The following ATAD2B variants were observed in gnomAD, a reference collection of about 807,000 sequenced individuals.
ATAD2B encodes ATPase family AAA domain containing 2B.
In ATAD2B, 40 loss-of-function variants were observed where a neutral mutation model predicts 167.6. That is an observed-to-expected ratio of 0.24 (90% CI 0.19 to 0.31). The LOEUF is 0.31. ATAD2B is among the 10% of genes least tolerant of loss of function. The probability of loss-of-function intolerance (pLI) is 1.00; values close to 1 mark genes in which losing one functional copy is unlikely to be tolerated. For synonymous variants in ATAD2B, 579 were observed against 596.5 expected (o/e 0.97, Z 0.43); for missense variants, 1,242 against 1,757.2 (o/e 0.71, Z 5.24).
At chr2:23,911,297 G>A (rs139050099) in intron 1 of ATAD2B, among the ~76,000 whole-genome samples, 15,613 of 152,084 alleles carry the variant, frequency 0.1, 913 homozygotes, top group Middle Eastern at 0.17. Flanking sequence ...GCTTACACCT[G>A]TAATCCCAGC....
At chr2:23,891,736 C>T (rs962854584) in intron 2 of ATAD2B, among the ~76,000 whole-genome samples, 7 of 151,942 alleles carry the variant, frequency 4.6e-5, no homozygotes, top group African/African-American at 1.7e-4. Context: ...TGATACCCCC[C>T]CGCCCCGACC....
At chr2:23,903,608 T>C (rs1701096891) in intron 1 of ATAD2B, among the ~76,000 whole-genome samples, 1 of 152,166 alleles carries the variant, frequency 6.6e-6, no homozygotes, top group Non-Finnish European at 1.5e-5. Context: ...CAAAAGAACT[T>C]GAGAATAACT....
At chr2:23,872,827 C>G in intron 8 of ATAD2B, 2 of 1,006,446 alleles carry the variant, frequency 2.0e-6, no homozygotes. Context: ...AGATTGCTCT[C>G]TTCTGCACTG....
At chr2:23,775,993 G>A (rs1461565212) in intron 22 of ATAD2B, among the ~76,000 whole-genome samples, 1 of 152,174 alleles carries the variant, frequency 6.6e-6, no homozygotes, top group Non-Finnish European at 1.5e-5. Context: ...GTACACGCCT[G>A]TAATCCCAGC....
chr2:23,789,512 T>C (rs914135084), intron 19 of ATAD2B, among the ~76,000 whole-genome samples: 8 of 152,098 alleles, frequency 5.3e-5, no homozygotes, highest in South Asian at 4.1e-4. Context: ...AGAGTTAACC[T>C]TGTGATTTTT....
At chr2:23,871,164 T>A (rs1019135788) in intron 8 of ATAD2B, among the ~76,000 whole-genome samples, 4 of 151,518 alleles carry the variant, frequency 2.6e-5, no homozygotes, top group Admixed American at 2.6e-4. Context: ...CACCACATAA[T>A]CACTGCCATT....
intron 5 of ATAD2B, among the ~76,000 whole-genome samples, chr2:23,885,169 G>A (rs771349746): frequency 5.3e-5 from 8 of 152,138 alleles, no homozygotes; most frequent in African/African-American, 2.4e-5. Flanking sequence ...ATAAAAGAAA[G>A]TAAAATAAGT....
chr2:23,865,043 C>A, intron 10 of ATAD2B, 119 bp from the exon 11 acceptor site: 2 of 543,732 alleles, frequency 3.7e-6, no homozygotes, highest in Non-Finnish European at 6.3e-6. Context: ...AGCTTTTAAA[C>A]ATAACTACAA....
chr2:23,698,702 G>GCAGT, the ATAD2B span, among the ~76,000 whole-genome samples: 3 of 152,104 alleles, frequency 2.0e-5, no homozygotes. Flanking sequence ...GCAATATATT[G>GCAGT]CAGTCACTGT....
the ATAD2B span, chr2:23,706,548 G>A: frequency 4.4e-5 from 67 of 1,537,048 alleles, no homozygotes; most frequent in East Asian, 1.5e-3. Context: ...GCCCGCGCTG[G>A]GCAACATGGA....
chr2:23,863,297 A>G (rs1052635667), intron 12 of ATAD2B, 84 bp downstream of exon 12: 6 of 1,348,640 alleles, frequency 4.4e-6, no homozygotes, highest in Non-Finnish European at 5.0e-6. Flanking sequence ...TGGGTAACAG[A>G]GAGAGGCCCT....
chr2:23,682,914 C>A, the ATAD2B span, among the ~76,000 whole-genome samples: 1 of 152,150 alleles, frequency 6.6e-6, no homozygotes, highest in Non-Finnish European at 1.5e-5. This position sits in a 1 kb window ranked among gnomAD's most constrained non-coding sequence, Gnocchi z 4.1. Context: ...TCCCAGAGGG[C>A]AGGGCCCCCA....
the ATAD2B span, among the ~76,000 whole-genome samples, chr2:23,724,887 CA>C: frequency 6.6e-6 from 1 of 151,608 alleles, no homozygotes; most frequent in African/African-American, 2.4e-5. Flanking sequence ...ACTAAAAATA[CA>C]AAAAATTAGC....
At chr2:23,883,700 G>T in intron 6 of ATAD2B, 2 of 835,218 alleles carry the variant, frequency 2.4e-6, no homozygotes, top group Non-Finnish European at 3.4e-6. Flanking sequence ...CTTCAAAATT[G>T]ACTAATAAAA....
chr2:23,867,104 C>A (rs545040791), intron 10 of ATAD2B, among the ~76,000 whole-genome samples: 1 of 152,130 alleles, frequency 6.6e-6, no homozygotes, highest in African/African-American at 2.4e-5. Context: ...TAACCCATTA[C>A]CTACAAGGTG....
At chr2:23,781,333 AAAATAAATAAAT>A (rs57132440) in intron 22 of ATAD2B, among the ~76,000 whole-genome samples, 13,178 of 144,510 alleles carry the variant, frequency 0.091, 1,575 homozygotes, top group African/African-American at 0.28. Context: ...TGACCACAAA[AAAATAAATAAAT>A]AAATAAATAA....
chr2:23,706,386 C>G, the ATAD2B span: 1 of 982,428 alleles, frequency 1.0e-6, no homozygotes. Flanking sequence ...GCAAAAGGCA[C>G]AGGCAGCCTA....
At chr2:23,760,863 A>G (rs757155072) in intron 24 of ATAD2B, among the ~76,000 whole-genome samples, 19 of 151,978 alleles carry the variant, frequency 1.3e-4, no homozygotes, top group Non-Finnish European at 2.2e-4. Context: ...GTTTGTTTCC[A>G]AAACTAAGGC....
chr2:23,798,929 AAG>A (rs1683029980), intron 18 of ATAD2B, among the ~76,000 whole-genome samples: 1 of 152,226 alleles, frequency 6.6e-6, no homozygotes, highest in South Asian at 2.1e-4. Context: ...AATGATAGCA[AAG>A]AGCTCTGCGA....
Sources: allele counts gnomAD v4.1 joint callset (sites outside exome capture counted in the v4.1 genomes callset), GRCh38; gene constraint gnomAD v4.1.1; non-coding constraint Gnocchi (gnomAD v3.1); transcripts MANE v1.5; gene names NCBI Gene and HGNC (gene_info 2026-07-23, HGNC 2026-07-21).